Variants in ANKS1B observed in about 807,000 individuals in gnomAD.
The protein encoded by ANKS1B is ankyrin repeat and sterile alpha motif domain containing 1B, also known as ankyrin repeat and sterile alpha motif domain-containing protein 1B.
Under a neutral mutation model 148.3 loss-of-function variants are expected in ANKS1B, and 36 were observed. That is an observed-to-expected ratio of 0.24 (90% CI 0.19 to 0.32). The LOEUF is 0.32. ANKS1B is among the 10% of genes least tolerant of loss of function. ANKS1B has a pLI of 1.00. For synonymous variants in ANKS1B, 542 were observed against 560.8 expected, an observed-to-expected ratio of 0.97 and a Z score of 0.47; for missense variants, 1,157 against 1,542.6, an observed-to-expected ratio of 0.75 and a Z score of 4.19.
intron 17 of ANKS1B, among the ~76,000 whole-genome samples, chr12:98,843,396 C>T (rs1201336549): frequency 1.3e-5 from 2 of 152,204 alleles, no homozygotes; most frequent in African/African-American, 4.8e-5. Flanking sequence ...CGTCAGCTTC[C>T]CCTTTAACCT....
At chr12:98,889,522 A>AT (rs1215340857) in intron 17 of ANKS1B, among the ~76,000 whole-genome samples, 1 of 151,964 alleles carries the variant, frequency 6.6e-6, no homozygotes, top group Admixed American at 6.6e-5. Flanking sequence ...TAATCTTTGT[A>AT]TTTTTTGTAC....
intron 14 of ANKS1B, chr12:99,154,692 A>G: frequency 1.4e-6 from 2 of 1,436,570 alleles, no homozygotes; most frequent in South Asian, 1.5e-5. Flanking sequence ...GCAGCAGAAG[A>G]AGGCATATCA....
chr12:99,827,439 T>G (rs1489380195), intron 1 of ANKS1B, among the ~76,000 whole-genome samples: 1 of 152,026 alleles, frequency 6.6e-6, no homozygotes. Context: ...ATATGTAGGA[T>G]GAACAAGTGT....
chr12:99,492,668 T>C (rs966827039), intron 10 of ANKS1B, among the ~76,000 whole-genome samples: 1 of 152,098 alleles, frequency 6.6e-6, no homozygotes, highest in Non-Finnish European at 1.5e-5. Flanking sequence ...CTTGCAAACT[T>C]AATCCAGTAA....
intron 17 of ANKS1B, among the ~76,000 whole-genome samples, chr12:98,939,129 T>G (rs1396949889): frequency 1.3e-5 from 2 of 152,234 alleles, no homozygotes; most frequent in Admixed American, 1.3e-4. Flanking sequence ...GAGCATCAGC[T>G]AATGTTATCC....
intron 17 of ANKS1B, chr12:98,894,609 G>A (rs1303429904): frequency 2.0e-6 from 2 of 984,986 alleles, no homozygotes; most frequent in Non-Finnish European, 2.4e-6. Flanking sequence ...GGAGCGAGGG[G>A]GCCGCTGTGC....
At position 99,300,580 on chromosome 12, in the gene ANKS1B, A is replaced by G. The variant is rs2081462695; in HGVS notation, c.1757-53716T>C. On this transcript the variant is annotated intron_variant, in intron 12 of 26. Transcript: ENST00000683438. The stretch of plus-strand genomic sequence containing the variant: ...GTACAATTTTGTTTACATATTTACA[A>G]ATCACTTTCCTATCAACAGGGAACT... 7.2e-5 allele frequency among the ~76,000 whole-genome samples: 11 copies of G among 152,226 alleles called. No homozygotes were observed. In the South Asian group the frequency reaches 2.3e-3, roughly 31 times the overall value.
intron 17 of ANKS1B, among the ~76,000 whole-genome samples, chr12:98,875,054 T>C (rs2099684578): frequency 6.6e-6 from 1 of 152,210 alleles, no homozygotes; most frequent in African/African-American, 2.4e-5. Flanking sequence ...GCAGCATCCA[T>C]CGAAATACTG....
At chr12:99,648,712 TAC>T in intron 9 of ANKS1B, 1 of 1,614,088 alleles carries the variant, frequency 6.2e-7, no homozygotes, top group Non-Finnish European at 8.5e-7. Flanking sequence ...AGTGGAGGCT[TAC>T]AGTGATACCA....
chr12:99,157,972 C>T (rs1432800345), intron 14 of ANKS1B, among the ~76,000 whole-genome samples: 1 of 151,920 alleles, frequency 6.6e-6, no homozygotes, highest in Non-Finnish European at 1.5e-5. Context: ...GGTATTCAAT[C>T]CTTCAATTTT....
chr12:99,961,862 C>T (rs913590702), intron 1 of ANKS1B, among the ~76,000 whole-genome samples: 7 of 152,174 alleles, frequency 4.6e-5, no homozygotes, highest in South Asian at 2.1e-4. Flanking sequence ...ACAAAGTTTA[C>T]GAAGCATTTC....
chr12:99,941,365 C>CA (rs1052258630), intron 1 of ANKS1B, among the ~76,000 whole-genome samples: 19 of 149,250 alleles, frequency 1.3e-4, no homozygotes, highest in African/African-American at 3.7e-4. Flanking sequence ...TGGCAGACTA[C>CA]AAAAAAGATA....
At chr12:99,352,524 T>G (rs2091539574) in intron 12 of ANKS1B, among the ~76,000 whole-genome samples, 1 of 152,028 alleles carries the variant, frequency 6.6e-6, no homozygotes, top group African/African-American at 2.4e-5. Flanking sequence ...CAACAAAAAT[T>G]CTGCTTTGCC....
chr12:99,611,536 T>A (rs890943197), intron 9 of ANKS1B, among the ~76,000 whole-genome samples: 1 of 152,106 alleles, frequency 6.6e-6, no homozygotes, highest in African/African-American at 2.4e-5. Context: ...CTGAATCTGA[T>A]AGCAAATAAC....
chr12:99,149,648 T>C (rs2074299050), intron 15 of ANKS1B, among the ~76,000 whole-genome samples: 1 of 152,170 alleles, frequency 6.6e-6, no homozygotes, highest in Non-Finnish European at 1.5e-5. Flanking sequence ...AACTGTCAGC[T>C]AGTTATCATG....
intron 15 of ANKS1B, among the ~76,000 whole-genome samples, chr12:99,147,388 G>A (rs779274277): frequency 3.3e-5 from 5 of 152,060 alleles, no homozygotes; most frequent in African/African-American, 4.8e-5. Context: ...AAGAGGAAGC[G>A]GTGAAAGATA....
At chr12:99,652,670 A>G (rs1260571989) in intron 9 of ANKS1B, among the ~76,000 whole-genome samples, 1 of 152,208 alleles carries the variant, frequency 6.6e-6, no homozygotes, top group Non-Finnish European at 1.5e-5. Flanking sequence ...TACAGATTTT[A>G]TAAAGCAAGC....
intron 26 of ANKS1B, among the ~76,000 whole-genome samples, chr12:98,750,241 G>A (rs1469790973): frequency 1.3e-5 from 2 of 152,142 alleles, no homozygotes; most frequent in Non-Finnish European, 2.9e-5. Context: ...TCGGAAGAAA[G>A]ACTTCAGAGG....
chr12:99,142,051 G>A (rs1234961012), intron 15 of ANKS1B, among the ~76,000 whole-genome samples: 1 of 152,034 alleles, frequency 6.6e-6, no homozygotes, highest in Non-Finnish European at 1.5e-5. Context: ...TGCTTCTGTT[G>A]AGTATCGGTG....
Sources: gnomAD v4.1 joint callset for allele counts (sites outside exome capture counted in the v4.1 genomes callset) on GRCh38, gnomAD v4.1.1 for gene constraint, MANE v1.5 for transcripts, NCBI Gene and HGNC (gene_info 2026-07-23, HGNC 2026-07-21) for gene names.